SIGLEC7: variants seen among roughly 807,000 people sequenced by gnomAD.
SIGLEC7 encodes the protein sialic acid-binding Ig-like lectin 7.
In SIGLEC7, 33 loss-of-function variants were observed where a neutral mutation model predicts 40.8. The observed-to-expected ratio is 0.81, with a 90% CI of 0.61 to 1.08. The LOEUF is 1.08. Among genes scored for constraint, SIGLEC7 ranks in the 50% least tolerant of loss-of-function variants. The pLI is 0.00. For missense variants in SIGLEC7, 513 were observed against 576.1 expected (o/e 0.89, Z 1.12); for synonymous variants, 242 against 237.6 (o/e 1.02, Z -0.17).
chr19:51,150,366 A>AT (rs1223412781), intron 6 of SIGLEC7, among the ~76,000 whole-genome samples: 1 of 152,196 alleles, frequency 6.6e-6, no homozygotes, highest in African/African-American at 2.4e-5. Flanking sequence ...GCGATGCTGA[A>AT]TTTTATCAAA....
At chr19:51,143,795 C>T (rs116434026) in intron 1 of SIGLEC7, 5,954 of 314,342 alleles carry the variant, frequency 0.019, 369 homozygotes, top group African/African-American at 0.12. Context: ...GAGGGACAGT[C>T]GGGGCTGGGC....
chr19:51,143,076 T>G (rs2092080884), intron 1 of SIGLEC7, among the ~76,000 whole-genome samples: 1 of 152,120 alleles, frequency 6.6e-6, no homozygotes, highest in South Asian at 2.1e-4. Flanking sequence ...CTCCTTGTTT[T>G]GGGGCCTGTC....
chr19:51,148,235 A>G lies in SIGLEC7; in HGVS notation c.1221+918A>G, dbSNP rs1310531796. Among the ~76,000 whole-genome samples, 3 of 150,896 alleles carry G rather than the reference A, an allele frequency of 2.0e-5. No homozygotes were observed. The East Asian group carries it at 5.8e-4, about 29-fold the overall frequency. ...GGGTACATGTGCAGGTTTGTTACAT[A>G]CATAAACTCTGGTCAGAGGGGTTTG... is the stretch of plus-strand genomic sequence containing the variant. On this transcript the variant is annotated intron_variant, in intron 6 of 6. Coordinates refer to ENST00000317643, the MANE Select transcript of SIGLEC7 (RefSeq NM_014385.4).
intron 2 of SIGLEC7, 56 bp from the exon 3 acceptor site, chr19:51,144,856 G>A: frequency 6.2e-7 from 1 of 1,600,478 alleles, no homozygotes; most frequent in Non-Finnish European, 8.6e-7. Flanking sequence ...TGGGGAGACA[G>A]GGCCAGTGTC....
Position 51,144,410 on chromosome 19 carries a change from G to A in SIGLEC7, c.438G>A (p.Leu146=), listed in dbSNP as rs779199595. ...YDQLSVNVTA[L]THRPNILIPG... ...GAGTCCCCCTCTCTTCACCAGCCTT[G>A]ACCCACAGGCCCAACATCCTTATCC... The change falls in exon 2 of 7, where the codon TTG becomes TTA. Residue 146 remains leucine, a synonymous_variant. Transcript: ENST00000317643. 1.9e-6 allele frequency: 3 copies of A among 1,607,494 alleles called. No individual in the cohort carries two copies. The highest frequency in any genetic ancestry group is 2.5e-6 in the Non-Finnish European group (3 of 1,178,280).
At chr19:51,148,667 A>T (rs917026534) in intron 6 of SIGLEC7, among the ~76,000 whole-genome samples, 1 of 152,170 alleles carries the variant, frequency 6.6e-6, no homozygotes, top group African/African-American at 2.4e-5. Context: ...ATGTGTCTTT[A>T]TGGTAGAATG....
chr19:51,148,180 T>C (rs1194004648), intron 6 of SIGLEC7, among the ~76,000 whole-genome samples: 2 of 152,122 alleles, frequency 1.3e-5, no homozygotes, highest in African/African-American at 4.8e-5. Context: ...ATTGTGATAG[T>C]TTTAAAAAAA....
chr19:51,153,403 A>C lies in SIGLEC7; in HGVS notation c.*158A>C. 1.4e-5 allele frequency: 7 copies of C among 512,528 alleles called. No individual in the cohort carries two copies. Among genetic ancestry groups the C allele is most frequent in the Admixed American group, 8.3e-5 (2 of 24,028 alleles). 31.7% of individuals were successfully genotyped at this position (512,528 alleles called of 1,614,324 possible). On this transcript the variant is annotated 3_prime_UTR_variant, in exon 7 of 7. Transcript: ENST00000317643. Reference sequence around the variant, plus strand: ...CTGAAAATGCATGCCTGATGACCAAACTCTCCCTTTCCCCATCCAATCGGT... The same window carrying C: ...CTGAAAATGCATGCCTGATGACCAACCTCTCCCTTTCCCCATCCAATCGGT...
chr19:51,147,023 T>C, intron 5 of SIGLEC7, 173 bp downstream of exon 5: 1 of 1,003,730 alleles, frequency 1.0e-6, no homozygotes, highest in Non-Finnish European at 1.5e-6. Flanking sequence ...GGGCTCCACA[T>C]CTGTGGTGAA....
intron 6 of SIGLEC7, among the ~76,000 whole-genome samples, chr19:51,150,154 T>G (rs1383241671): frequency 6.6e-6 from 1 of 152,216 alleles, no homozygotes; most frequent in South Asian, 2.1e-4. Flanking sequence ...TCTTGCCTGA[T>G]TGCTCTGGCC....
At chr19:51,147,026 G>C in intron 5 of SIGLEC7, 176 bp downstream of exon 5, 1 of 1,015,072 alleles carries the variant, frequency 9.9e-7, no homozygotes, top group South Asian at 1.6e-5. Context: ...CTCCACATCT[G>C]TGGTGAACCT....
At chr19:51,152,716 G>A (rs1232849820) in intron 6 of SIGLEC7, among the ~76,000 whole-genome samples, 1 of 152,130 alleles carries the variant, frequency 6.6e-6, no homozygotes, top group Admixed American at 6.5e-5. Flanking sequence ...ACACACAGAG[G>A]GCCCCAGCAG....
intron 6 of SIGLEC7, among the ~76,000 whole-genome samples, chr19:51,149,524 G>C (rs1446115608): frequency 6.6e-6 from 1 of 152,014 alleles, no homozygotes; most frequent in East Asian, 1.9e-4. Context: ...GTCTGTTTTT[G>C]TACCACTACC....
Position 51,153,287 on chromosome 19 carries a change from C to T in SIGLEC7, c.*42C>T. The T allele has an allele frequency of 1.4e-6, 2 of 1,443,500 alleles. No homozygotes were observed. The highest frequency in any genetic ancestry group is 1.4e-5 in the African/African-American group (1 of 70,178). The allele number at this position is 1,443,500 out of a possible 1,614,324, so 89.4% of individuals were successfully genotyped here. On this transcript the variant is annotated 3_prime_UTR_variant, in exon 7 of 7. Coordinates refer to ENST00000317643, the MANE Select transcript of SIGLEC7 (RefSeq NM_014385.4). ...GGGCTTGTTTGAGGGTTCACGACCC[C>T]TCCAGCAAAGGAGTCTGAGGCTGAT...
At chr19:51,147,527 GA>G (rs775007007) in intron 6 of SIGLEC7, among the ~76,000 whole-genome samples, 12 of 152,106 alleles carry the variant, frequency 7.9e-5, no homozygotes, top group Non-Finnish European at 1.6e-4. Context: ...CATGGAGGAG[GA>G]GTTATCTCCT....
At chr19:51,147,588 C>T (rs559533461) in intron 6 of SIGLEC7, among the ~76,000 whole-genome samples, 40 of 152,240 alleles carry the variant, frequency 2.6e-4, no homozygotes, top group African/African-American at 8.9e-4. Flanking sequence ...AAATCTTGTC[C>T]ATTTTTCCTC....
chr19:51,144,778 T>G, intron 2 of SIGLEC7, 94 bp downstream of exon 2: 2 of 1,579,686 alleles, frequency 1.3e-6, no homozygotes, highest in Admixed American at 3.4e-5. Context: ...GGGTGCTGGG[T>G]CCCAGAATCT....
In SIGLEC7 at chr19:51,153,343, G is replaced by T. The variant is rs981552229; in HGVS notation, c.*98G>T. On this transcript the variant is annotated 3_prime_UTR_variant, in exon 7 of 7. Transcript: ENST00000317643. ...TAGAATTAGCAGCCCTCAATGCTGT[G>T]CAACAAGACATCAGAACTTATTCCT... 4.6e-5 allele frequency: 44 copies of T among 948,802 alleles called. No homozygotes were observed. In the East Asian group the frequency reaches 1.1e-3, roughly 24 times the overall value. 58.8% of individuals were successfully genotyped at this position (948,802 alleles called of 1,614,324 possible).
chr19:51,143,860 G>C, intron 1 of SIGLEC7: 1 of 443,806 alleles, frequency 2.3e-6, no homozygotes, highest in Admixed American at 2.6e-5. Flanking sequence ...ACAGGCTGGA[G>C]GTGCTGGAGT....
Sources: allele counts gnomAD v4.1 joint callset (sites outside exome capture counted in the v4.1 genomes callset), GRCh38; gene constraint gnomAD v4.1.1; transcripts MANE v1.5; gene names NCBI Gene and HGNC (gene_info 2026-07-23, HGNC 2026-07-21).